Variants in PDC observed in about 807,000 individuals in gnomAD.
The protein encoded by PDC is 33 kDa phototransducing protein.
PDC carries 19 observed loss-of-function variants against 22.2 expected under a neutral mutation model. The observed-to-expected ratio is 0.86, with a 90% CI of 0.60 to 1.26. The LOEUF is 1.26. Among genes scored for constraint, PDC ranks in the 50% most tolerant of loss-of-function variants. The pLI is 0.00. For synonymous variants in PDC, 97 were observed against 96.2 expected (o/e 1.01, Z -0.05); for missense variants, 274 against 286.8 (o/e 0.96, Z 0.32).
intron 1 of PDC, among the ~76,000 whole-genome samples, chr1:186,456,750 G>T (rs1191941175): frequency 6.6e-6 from 1 of 152,252 alleles, no homozygotes. Context: ...GCACTAAAAA[G>T]GCATTGTAAT....
At position 186,450,041 on chromosome 1, in the gene PDC, TAA is replaced by T. The variant is rs573071176; in HGVS notation, c.-24-560_-24-559del. Among the ~76,000 whole-genome samples, 213 of 152,334 alleles carry T rather than the reference TAA, an allele frequency of 1.4e-3. 1 individual carries two copies. Among genetic ancestry groups the T allele is most frequent in the African/African-American group, 4.7e-3 (197 of 41,568 alleles). On this transcript the variant is annotated intron_variant, in intron 1 of 3. Coordinates refer to ENST00000391997, the MANE Select transcript of PDC (RefSeq NM_002597.5). ...CGAGGAAGCTGAAGGGCAGAGAGTT[TAA>T]GTTACTTGCCCAAGATCATACAATA...
intron 2 of PDC, among the ~76,000 whole-genome samples, chr1:186,447,710 G>T (rs1381823361): frequency 1.3e-5 from 2 of 151,398 alleles, no homozygotes; most frequent in Non-Finnish European, 1.5e-5. Flanking sequence ...TTTTATATAT[G>T]ATATATATTT....
At chr1:186,445,362 T>A (rs1662204840) in intron 3 of PDC, among the ~76,000 whole-genome samples, 1 of 152,220 alleles carries the variant, frequency 6.6e-6, no homozygotes, top group African/African-American at 2.4e-5. Context: ...ACAGATAACC[T>A]CTGAGGTAGG....
chr1:186,459,361 C>T (rs866941588), intron 1 of PDC, among the ~76,000 whole-genome samples: 1 of 152,156 alleles, frequency 6.6e-6, no homozygotes, highest in African/African-American at 2.4e-5. Flanking sequence ...GACGGGGTTT[C>T]GCTGTGTTGG....
chr1:186,460,397 T>C lies in PDC; in HGVS notation c.-25+662A>G, dbSNP rs192521215. On this transcript the variant is annotated intron_variant, in intron 1 of 3. Transcript: ENST00000391997. The stretch of plus-strand genomic sequence containing the variant: ...ACTGTCTTGGTTATCAGATTGACTA[T>C]TGCAGTGCTTGTGTTCAAGTAACCC... 2.4e-3 allele frequency among the ~76,000 whole-genome samples: 365 copies of C among 152,330 alleles called. 3 individuals carry two copies. The highest frequency in any genetic ancestry group is 3.0e-3 in the Non-Finnish European group (203 of 68,022).
chr1:186,455,557 G>A (rs1474328815), intron 1 of PDC, among the ~76,000 whole-genome samples: 1 of 151,948 alleles, frequency 6.6e-6, no homozygotes, highest in Non-Finnish European at 1.5e-5. Flanking sequence ...ATTGCAGTTA[G>A]GGAAATGAGG....
intron 3 of PDC, among the ~76,000 whole-genome samples, chr1:186,445,752 C>T (rs1662213885): frequency 6.6e-6 from 1 of 152,068 alleles, no homozygotes; most frequent in South Asian, 2.1e-4. Context: ...CAAGATTGCG[C>T]CACTGCACTC....
intron 3 of PDC, among the ~76,000 whole-genome samples, 199 bp from the exon 4 acceptor site, chr1:186,444,705 T>C (rs1662184955): frequency 6.6e-6 from 1 of 152,120 alleles, no homozygotes; most frequent in South Asian, 2.1e-4. Context: ...TTACTTTACC[T>C]AAAAAGGTCC....
At chr1:186,458,226 C>T (rs377756867) in intron 1 of PDC, among the ~76,000 whole-genome samples, 266 of 88,304 alleles carry the variant, frequency 3.0e-3, no homozygotes, top group African/African-American at 4.0e-3. Context: ...TACAGATATT[C>T]TTTTTTTTTT....
At chr1:186,457,900 T>G (rs1479094143) in intron 1 of PDC, among the ~76,000 whole-genome samples, 1 of 152,170 alleles carries the variant, frequency 6.6e-6, no homozygotes, top group African/African-American at 2.4e-5. Flanking sequence ...CTAGATAAAG[T>G]TCATAAGAAC....
chr1:186,459,752 G>GTATATATATATATATATATATATATATA (rs56927589), intron 1 of PDC, among the ~76,000 whole-genome samples: 1 of 112,074 alleles, frequency 8.9e-6, no homozygotes, highest in African/African-American at 3.2e-5. Flanking sequence ...GTGTGTGTGT[G>GTATATATATATATATATATATATATATA]TATATATATA....
intron 1 of PDC, among the ~76,000 whole-genome samples, chr1:186,452,383 A>G (rs1258631740): frequency 2.0e-5 from 3 of 152,128 alleles, no homozygotes. Flanking sequence ...GATTACAGGC[A>G]TGGGCCACCA....
At chr1:186,452,341 A>C (rs1662370874) in intron 1 of PDC, among the ~76,000 whole-genome samples, 1 of 152,110 alleles carries the variant, frequency 6.6e-6, no homozygotes, top group Non-Finnish European at 1.5e-5. Context: ...CAGGTTCAAG[A>C]ATTCTTGTGC....
Position 186,443,881 on chromosome 1 carries a change from C to T in PDC, c.*98G>A, listed in dbSNP as rs1571718207. The T allele has an allele frequency of 8.4e-6, 7 of 834,176 alleles. No homozygotes were observed. The highest frequency in any genetic ancestry group is 5.1e-5 in the African/African-American group (3 of 58,688). The allele number at this position is 834,176 out of a possible 1,614,324, so 51.7% of individuals were successfully genotyped here. A position where few individuals can be genotyped will look rare whatever the true frequency, so the allele number is the denominator to read the frequency against. Reference sequence around the variant, plus strand: ...GTCATTTTTGTCAAGTTAGCATAGCCGTGCCCATACTCTGTGTTCACTAAA... The same window carrying T: ...GTCATTTTTGTCAAGTTAGCATAGCTGTGCCCATACTCTGTGTTCACTAAA... On this transcript the variant is annotated 3_prime_UTR_variant, in exon 4 of 4. Transcript: ENST00000391997.
At chr1:186,446,792 C>T (rs747094415) in intron 2 of PDC, among the ~76,000 whole-genome samples, 16 of 152,130 alleles carry the variant, frequency 1.1e-4, no homozygotes, top group South Asian at 2.1e-4. Flanking sequence ...AAGGATATTT[C>T]GGAAACATTT....
intron 1 of PDC, among the ~76,000 whole-genome samples, chr1:186,456,323 C>T (rs10911864): frequency 0.2 from 31,077 of 151,924 alleles, 4,578 homozygotes; most frequent in African/African-American, 0.42. Context: ...ATAACTGTTA[C>T]TATCCCTAGC....
At chr1:186,460,362 CAT>C (rs2102142209) in intron 1 of PDC, among the ~76,000 whole-genome samples, 1 of 152,312 alleles carries the variant, frequency 6.6e-6, no homozygotes, top group East Asian at 1.9e-4. Flanking sequence ...ATATCCACAC[CAT>C]ATGCATTACT....
intron 1 of PDC, among the ~76,000 whole-genome samples, chr1:186,455,463 C>G (rs1314295884): frequency 6.6e-6 from 1 of 152,180 alleles, no homozygotes; most frequent in Non-Finnish European, 1.5e-5. Context: ...TCCACTATTT[C>G]TCTATCTCCA....
At chr1:186,445,996 T>C (rs1450742053) in intron 3 of PDC, among the ~76,000 whole-genome samples, 3 of 152,238 alleles carry the variant, frequency 2.0e-5, no homozygotes, top group Non-Finnish European at 4.4e-5. Context: ...TATGGATATG[T>C]AGGCATTCAG....
Sources: gnomAD v4.1 joint callset for allele counts (sites outside exome capture counted in the v4.1 genomes callset) on GRCh38, gnomAD v4.1.1 for gene constraint, MANE v1.5 for transcripts, NCBI Gene and HGNC (gene_info 2026-07-23, HGNC 2026-07-21) for gene names.